The following NELL1 variants were observed in gnomAD, a reference collection of about 807,000 sequenced individuals.
NELL1 encodes neural EGFL like 1, also known as protein kinase C-binding protein NELL1.
Under a neutral mutation model 107.4 loss-of-function variants are expected in NELL1, and 76 were observed. The observed-to-expected ratio is 0.71, with a 90% confidence interval of 0.59 to 0.86. The LOEUF (loss-of-function observed/expected upper bound fraction) is 0.86. NELL1 is among the 40% of genes least tolerant of loss of function. The pLI, the probability that NELL1 is intolerant of heterozygous loss-of-function variation, is 0.00. For missense variants in NELL1, 1,024 were observed against 1,005.5 expected (o/e 1.02, Z -0.25); for synonymous variants, 353 against 341.2 (o/e 1.03, Z -0.38).
At chr11:21,493,587 T>C (rs1854891837) in intron 15 of NELL1, among the ~76,000 whole-genome samples, 1 of 151,988 alleles carries the variant, frequency 6.6e-6, no homozygotes, top group Non-Finnish European at 1.5e-5. Context: ...CTAGAGGATG[T>C]GAAGTGTCTA....
In NELL1 at chr11:20,956,417, C is replaced by T. The variant is rs182351730; in HGVS notation, c.1172-4015C>T. On this transcript the variant is annotated intron_variant, in intron 11 of 19. Coordinates refer to ENST00000357134, the MANE Select transcript of NELL1 (RefSeq NM_006157.5). Reference sequence around the variant, plus strand: ...ATCCCAGCACTTTGGGAGGCCGAGGCGGGTAGATCACGAGGTCAGGAGATT... The same window carrying T: ...ATCCCAGCACTTTGGGAGGCCGAGGTGGGTAGATCACGAGGTCAGGAGATT... 5.6e-3 allele frequency among the ~76,000 whole-genome samples: 851 copies of T among 152,042 alleles called. 5 individuals carry two copies. The highest frequency in any genetic ancestry group is 0.017 in the African/African-American group (719 of 41,504).
intron 6 of NELL1, among the ~76,000 whole-genome samples, chr11:20,918,728 G>T (rs1259706159): frequency 6.6e-6 from 1 of 151,940 alleles, no homozygotes; most frequent in Non-Finnish European, 1.5e-5. Flanking sequence ...ATTTCCAACT[G>T]GGTCCCTCCC....
intron 13 of NELL1, among the ~76,000 whole-genome samples, chr11:21,218,774 A>T (rs1280265706): frequency 2.0e-5 from 3 of 152,188 alleles, no homozygotes; most frequent in Non-Finnish European, 4.4e-5. Context: ...ATTTTATGTA[A>T]CATAATGTCT....
intron 12 of NELL1, among the ~76,000 whole-genome samples, chr11:21,049,251 G>A (rs529543146): frequency 4.0e-4 from 61 of 152,276 alleles, no homozygotes; most frequent in African/African-American, 1.4e-3. Flanking sequence ...GCTGAAAGCT[G>A]TCAGTTACCC....
rs1299616677 is a variant in NELL1, at chr11:20,686,369, T to A, written c.184+8309T>A. Among the ~76,000 whole-genome samples the A allele has an allele frequency of 2.0e-5, 3 of 152,256 alleles. No individual in the cohort carries two copies. The East Asian group carries it at 5.8e-4, about 29-fold the overall frequency. On this transcript the variant is annotated intron_variant, in intron 2 of 19. Transcript: ENST00000357134. The stretch of plus-strand genomic sequence containing the variant: ...GCACAAAGAATTGAGTAAGTAAGAT[T>A]TTTATTTTCTTCTTGCTTGAAATAA...
chr11:21,171,805 T>C (rs993745742), intron 13 of NELL1, among the ~76,000 whole-genome samples: 8 of 151,870 alleles, frequency 5.3e-5, no homozygotes, highest in African/African-American at 1.9e-4. Flanking sequence ...TTTGGGTTTC[T>C]AATGCTTCTC....
intron 15 of NELL1, among the ~76,000 whole-genome samples, chr11:21,521,635 AAATTATATATC>A (rs1225099624): frequency 1.3e-5 from 2 of 152,140 alleles, no homozygotes; most frequent in African/African-American, 4.8e-5. Flanking sequence ...TTGCCATTAA[AAATTATATATC>A]AATTGCTGGA....
intron 14 of NELL1, among the ~76,000 whole-genome samples, chr11:21,271,203 A>T (rs185424681): frequency 4.8e-4 from 73 of 152,156 alleles, no homozygotes; most frequent in Non-Finnish European, 1.0e-3. Context: ...CAAAAATAAA[A>T]CCTAGTTCTT....
rs530617019 is a variant in NELL1, at chr11:21,063,825, C to T, written c.1301-49764C>T. ...ACATTCCAGCAGGTGACACAGACAA[C>T]AATAAACAAACTAACTAATAAATCA... On this transcript the variant is annotated intron_variant, in intron 12 of 19. Transcript: ENST00000357134. Among the ~76,000 whole-genome samples, 9 of 152,322 alleles carry T rather than the reference C, an allele frequency of 5.9e-5. No homozygotes were observed. In the South Asian group the frequency reaches 1.9e-3, roughly 32 times the overall value.
intron 14 of NELL1, among the ~76,000 whole-genome samples, chr11:21,344,089 A>T (rs1850632916): frequency 6.6e-6 from 1 of 152,228 alleles, no homozygotes. Flanking sequence ...ACATTCTAAC[A>T]CAGAGATCTG....
chr11:21,189,949 A>G (rs1263374149), intron 13 of NELL1, among the ~76,000 whole-genome samples: 1 of 151,906 alleles, frequency 6.6e-6, no homozygotes, highest in Non-Finnish European at 1.5e-5. Flanking sequence ...TTGTGGAAAG[A>G]CATTCAGTCA....
At chr11:21,218,861 A>G (rs958640374) in intron 13 of NELL1, among the ~76,000 whole-genome samples, 8 of 152,166 alleles carry the variant, frequency 5.3e-5, no homozygotes, top group Admixed American at 4.6e-4. Flanking sequence ...TTGTGTATAC[A>G]TGACACATTT....
At chr11:21,485,960 C>A (rs1854620611) in intron 15 of NELL1, among the ~76,000 whole-genome samples, 1 of 152,102 alleles carries the variant, frequency 6.6e-6, no homozygotes, top group Admixed American at 6.5e-5. Flanking sequence ...CTGTACAAGC[C>A]ACTTGCAGGC....
chr11:21,350,584 G>T (rs796483065), intron 14 of NELL1, among the ~76,000 whole-genome samples: 6 of 152,248 alleles, frequency 3.9e-5, no homozygotes, highest in African/African-American at 1.4e-4. Context: ...AGGTTTAAAT[G>T]GCCTGGTGAG....
At chr11:20,970,208 G>A (rs1304185312) in intron 12 of NELL1, among the ~76,000 whole-genome samples, 1 of 152,066 alleles carries the variant, frequency 6.6e-6, no homozygotes, top group African/African-American at 2.4e-5. Context: ...ACTCCATGGG[G>A]CATCATTTAT....
At chr11:21,342,014 C>T (rs186306007) in intron 14 of NELL1, among the ~76,000 whole-genome samples, 19 of 152,246 alleles carry the variant, frequency 1.2e-4, no homozygotes, top group Non-Finnish European at 2.4e-4. Context: ...CATAATATAG[C>T]TTCACTAACC....
At chr11:20,757,929 G>T (rs139478316) in intron 2 of NELL1, among the ~76,000 whole-genome samples, 1 of 152,332 alleles carries the variant, frequency 6.6e-6, no homozygotes, top group East Asian at 1.9e-4. Flanking sequence ...AGGCTGAGAA[G>T]TCCAAGATTA....
chr11:21,318,902 C>T (rs1176731642), intron 14 of NELL1, among the ~76,000 whole-genome samples: 1 of 151,972 alleles, frequency 6.6e-6, no homozygotes, highest in Non-Finnish European at 1.5e-5. Flanking sequence ...TGTGACTAAC[C>T]ATAGTAAATG....
At chr11:20,852,337 T>A (rs1040984070) in intron 4 of NELL1, among the ~76,000 whole-genome samples, 1 of 152,202 alleles carries the variant, frequency 6.6e-6, no homozygotes, top group African/African-American at 2.4e-5. Flanking sequence ...TGCATACAAC[T>A]GATCTTGAAA....
Sources: allele counts gnomAD v4.1 joint callset (sites outside exome capture counted in the v4.1 genomes callset), GRCh38; gene constraint gnomAD v4.1.1; transcripts MANE v1.5; gene names NCBI Gene and HGNC (gene_info 2026-07-23, HGNC 2026-07-21).